Variants in SPOPL observed in about 807,000 individuals in gnomAD.
The protein encoded by SPOPL is speckle-type POZ protein-like.
Under a neutral mutation model 53.8 loss-of-function variants are expected in SPOPL, and 23 were observed. That is an observed-to-expected ratio of 0.43 (90% CI 0.31 to 0.61). The LOEUF is 0.61. SPOPL is among the 20% of genes least tolerant of loss of function. The probability of loss-of-function intolerance (pLI) is 0.12; values close to 1 mark genes in which losing one functional copy is unlikely to be tolerated. For synonymous variants in SPOPL, 164 were observed against 149.7 expected, an observed-to-expected ratio of 1.10 and a Z score of -0.70; for missense variants, 442 against 466.9, an observed-to-expected ratio of 0.95 and a Z score of 0.49.
At chr2:138,511,679 A>C (rs1387919659) in intron 1 of SPOPL, among the ~76,000 whole-genome samples, 1 of 152,212 alleles carries the variant, frequency 6.6e-6, no homozygotes, top group Non-Finnish European at 1.5e-5. Context: ...GAAATGTTAA[A>C]ATGTGACAAA....
At chr2:138,541,372 C>T (rs1378499215) in intron 1 of SPOPL, among the ~76,000 whole-genome samples, 2 of 152,180 alleles carry the variant, frequency 1.3e-5, no homozygotes, top group African/African-American at 2.4e-5. Flanking sequence ...CCATCTGGTC[C>T]TGCACTTTTT....
rs539504937 is a variant in SPOPL, at chr2:138,569,331, AT to A, written c.*260del. ...CTTGTCTTGTTCATATAATACTTTA[AT>A]TTTTTTTTATTGTGCCTTGTCATTT... On this transcript the variant is annotated 3_prime_UTR_variant, in exon 11 of 11. Transcript: ENST00000280098. The A allele has an allele frequency of 4.0e-4, 139 of 345,318 alleles. No individual in the cohort carries two copies. Among genetic ancestry groups the A allele is most frequent in the East Asian group, 5.4e-4 (11 of 20,278 alleles). The allele number at this position is 345,318 out of a possible 1,614,324, so 21.4% of individuals were successfully genotyped here.
At chr2:138,504,763 C>T (rs1264941695) in intron 1 of SPOPL, among the ~76,000 whole-genome samples, 1 of 152,134 alleles carries the variant, frequency 6.6e-6, no homozygotes, top group Non-Finnish European at 1.5e-5. Context: ...AGTAGTTACT[C>T]CAGTTTTTGT....
At chr2:138,510,943 A>G (rs1183628513) in intron 1 of SPOPL, among the ~76,000 whole-genome samples, 2 of 152,204 alleles carry the variant, frequency 1.3e-5, no homozygotes, top group African/African-American at 4.8e-5. Context: ...GACAACACTT[A>G]GGATCAGTTT....
chr2:138,540,246 T>A (rs71419592), intron 1 of SPOPL, among the ~76,000 whole-genome samples: 1 of 152,072 alleles, frequency 6.6e-6, no homozygotes, highest in Non-Finnish European at 1.5e-5. Flanking sequence ...TTTGGTTCCA[T>A]ATGAACTTGA....
intron 8 of SPOPL, among the ~76,000 whole-genome samples, chr2:138,561,597 G>A (rs1685550404): frequency 6.6e-6 from 1 of 152,098 alleles, no homozygotes; most frequent in East Asian, 1.9e-4. Flanking sequence ...GGGGAAATTG[G>A]ACCAAGTGTG....
chr2:138,513,558 G>A (rs1684374540), intron 1 of SPOPL, among the ~76,000 whole-genome samples: 1 of 151,744 alleles, frequency 6.6e-6, no homozygotes, highest in Non-Finnish European at 1.5e-5. Flanking sequence ...TTAAAAAAAT[G>A]ATAAAAATAA....
At position 138,570,853 on chromosome 2, in the gene SPOPL, A is replaced by G. The variant is rs915951437; in HGVS notation, c.*1773A>G. On this transcript the variant is annotated 3_prime_UTR_variant, in exon 11 of 11. Transcript: ENST00000280098. ...AAACTCAACTAAGCATTTGTTATCC[A>G]CAACAACCTAGAGTTTAAAAAGATC... 2.6e-5 allele frequency: 4 copies of G among 152,164 alleles called. No homozygotes were observed. In the South Asian group the frequency reaches 6.2e-4, roughly 24 times the overall value. The allele number at this position is 152,164 out of a possible 1,614,324, so 9.4% of individuals were successfully genotyped here.
intron 1 of SPOPL, among the ~76,000 whole-genome samples, chr2:138,540,046 A>C (rs944159396): frequency 6.6e-6 from 1 of 152,324 alleles, no homozygotes; most frequent in African/African-American, 2.4e-5. Flanking sequence ...GTCAAAGATC[A>C]GATGGTTGTA....
chr2:138,546,977 T>C (rs1685208955), intron 1 of SPOPL, among the ~76,000 whole-genome samples: 2 of 152,196 alleles, frequency 1.3e-5, no homozygotes, highest in African/African-American at 4.8e-5. Context: ...TATTTTATTT[T>C]ATTTTTGAGA....
intron 1 of SPOPL, among the ~76,000 whole-genome samples, chr2:138,535,918 C>G (rs1684921781): frequency 6.6e-6 from 1 of 152,010 alleles, no homozygotes; most frequent in Non-Finnish European, 1.5e-5. Flanking sequence ...TTGACCTCCT[C>G]TAGTGAATTT....
At chr2:138,554,311 G>T in intron 5 of SPOPL, 2 of 221,320 alleles carry the variant, frequency 9.0e-6, no homozygotes, top group Non-Finnish European at 1.7e-5. Flanking sequence ...ACATCTTTTT[G>T]CTGATATAGG....
intron 1 of SPOPL, among the ~76,000 whole-genome samples, chr2:138,510,510 G>A (rs1223295175): frequency 6.6e-6 from 1 of 152,148 alleles, no homozygotes; most frequent in East Asian, 1.9e-4. Flanking sequence ...TTCTGTTAGA[G>A]GGGTGTTGAA....
chr2:138,563,170 G>A (rs1311625682), intron 8 of SPOPL, among the ~76,000 whole-genome samples: 1 of 152,080 alleles, frequency 6.6e-6, no homozygotes, highest in Non-Finnish European at 1.5e-5. Context: ...CTGAAATAAT[G>A]TCTGAAATAC....
intron 1 of SPOPL, among the ~76,000 whole-genome samples, chr2:138,534,600 G>T (rs1008296935): frequency 1.3e-5 from 2 of 152,058 alleles, no homozygotes; most frequent in African/African-American, 2.4e-5. Context: ...TTTTTTAAAT[G>T]AGGCAAAATT....
chr2:138,557,657 G>C (rs1333159962), intron 5 of SPOPL, among the ~76,000 whole-genome samples: 2 of 152,140 alleles, frequency 1.3e-5, no homozygotes, highest in African/African-American at 4.8e-5. Flanking sequence ...GCTATCTATT[G>C]CTGTGTAACA....
At chr2:138,503,610 T>G (rs913554949) in intron 1 of SPOPL, among the ~76,000 whole-genome samples, 2 of 152,230 alleles carry the variant, frequency 1.3e-5, no homozygotes, top group South Asian at 2.1e-4. Flanking sequence ...CTACAGGGTT[T>G]TAGCCCACCA....
rs1403507664 is a variant in SPOPL, at chr2:138,573,378, G to A, written c.*4298G>A. 1 of 151,926 alleles carries A rather than the reference G, an allele frequency of 6.6e-6. No homozygotes were observed. Among genetic ancestry groups the A allele is most frequent in the Non-Finnish European group, 1.5e-5 (1 of 67,972 alleles). The allele number at this position is 151,926 out of a possible 1,614,324, so 9.4% of individuals were successfully genotyped here. ...TACATAGGGGAGCTCTTGTTTTTTGGAACCAATTGAAGACATTCTTAACTG... is the reference window on the plus strand; with the variant it reads ...TACATAGGGGAGCTCTTGTTTTTTGAAACCAATTGAAGACATTCTTAACTG... On this transcript the variant is annotated 3_prime_UTR_variant, in exon 11 of 11. Coordinates refer to ENST00000280098, the MANE Select transcript of SPOPL (RefSeq NM_001001664.3).
At chr2:138,555,178 G>T (rs1685397799) in intron 5 of SPOPL, among the ~76,000 whole-genome samples, 1 of 150,620 alleles carries the variant, frequency 6.6e-6, no homozygotes, top group Non-Finnish European at 1.5e-5. Context: ...GTGCGAGCCA[G>T]ACTCGCTTTA....
Sources: gnomAD v4.1 joint callset for allele counts (sites outside exome capture counted in the v4.1 genomes callset) on GRCh38, gnomAD v4.1.1 for gene constraint, MANE v1.5 for transcripts, NCBI Gene and HGNC (gene_info 2026-07-23, HGNC 2026-07-21) for gene names.